Variants in KIRREL3 observed in about 807,000 individuals in gnomAD.
The protein encoded by KIRREL3 is kirre like nephrin family adhesion molecule 3.
A neutral mutation model predicts 89.7 loss-of-function variants in KIRREL3; 36 were observed. The ratio of observed to expected loss-of-function variants is 0.40; its 90% CI spans 0.31 to 0.53. The LOEUF (loss-of-function observed/expected upper bound fraction) is 0.53. Ranked by LOEUF, KIRREL3 falls within the 20% of genes least tolerant of loss-of-function variation. KIRREL3 has a pLI of 0.49. For missense variants in KIRREL3, 864 were observed against 1,056.6 expected (o/e 0.82, Z 2.53); for synonymous variants, 445 against 441.4 (o/e 1.01, Z -0.10).
At chr11:126,968,814 G>T (rs1216496236) in intron 1 of KIRREL3, among the ~76,000 whole-genome samples, 2 of 152,110 alleles carry the variant, frequency 1.3e-5, no homozygotes, top group Non-Finnish European at 2.9e-5. Flanking sequence ...CAGTGAGAAA[G>T]GGGCAGGGGC....
At chr11:126,786,627 TTTC>T (rs1950495798) in intron 1 of KIRREL3, among the ~76,000 whole-genome samples, 1 of 152,212 alleles carries the variant, frequency 6.6e-6, no homozygotes, top group Non-Finnish European at 1.5e-5. Flanking sequence ...TGGGAAACTT[TTTC>T]TTATCAAAAT....
In KIRREL3 at chr11:126,892,237, G is replaced by T. The variant is rs1424290241; in HGVS notation, c.55+108218C>A. 6.6e-6 allele frequency among the ~76,000 whole-genome samples: 1 copy of T among 152,128 alleles called. No homozygotes were observed. Among genetic ancestry groups the T allele is most frequent in the African/African-American group, 2.4e-5 (1 of 41,434 alleles). ...AAGAGGGGCTGCCATGCCTGAGGGT[G>T]GTCCCTGCCTGCTCTGTTTTCTTCA... On this transcript the variant is annotated intron_variant, in intron 1 of 16. Coordinates refer to ENST00000525144, the MANE Select transcript of KIRREL3 (RefSeq NM_032531.4). The surrounding 1 kb of genome is among the most constrained non-coding windows in gnomAD (Gnocchi z 5.4).
chr11:126,451,583 C>CGT (rs1358776317), intron 7 of KIRREL3, among the ~76,000 whole-genome samples: 1 of 84,008 alleles, frequency 1.2e-5, no homozygotes, highest in East Asian at 4.2e-4. Context: ...TGTGTGTGTG[C>CGT]GTGTGTGTAC....
chr11:126,693,633 C>CACACA lies in KIRREL3; in HGVS notation c.56-130722_56-130721insTGTGT, dbSNP rs1231272271. On this transcript the variant is annotated intron_variant, in intron 1 of 16. Coordinates refer to ENST00000525144, the MANE Select transcript of KIRREL3 (RefSeq NM_032531.4). ...CACACACACACACACACACACACACCCATAGTCAGAGGAAGCCTCAAATCA... is the reference window on the plus strand; with the variant it reads ...CACACACACACACACACACACACACCACACACATAGTCAGAGGAAGCCTCAAATCA... Among the ~76,000 whole-genome samples the CACACA allele has an allele frequency of 3.8e-3, 393 of 104,798 alleles. 9 individuals are homozygous for CACACA. In the East Asian group the frequency reaches 0.04, roughly 11 times the overall value. 68.8% of individuals were successfully genotyped at this position (104,798 alleles called of 152,430 possible).
Position 126,808,334 on chromosome 11 carries a change from G to A in KIRREL3, c.55+192121C>T, listed in dbSNP as rs997871481. On this transcript the variant is annotated intron_variant, in intron 1 of 16. Transcript: ENST00000525144. This position sits in a 1 kb window ranked among gnomAD's most constrained non-coding sequence, Gnocchi z 4.1. Reference sequence around the variant, plus strand: ...CTGTTTTTGGCAAGCTACAATGGGGGTGCAGCTTTCAAGGAGTCATTTCAG... The same window carrying A: ...CTGTTTTTGGCAAGCTACAATGGGGATGCAGCTTTCAAGGAGTCATTTCAG... Among the ~76,000 whole-genome samples the A allele has an allele frequency of 2.6e-5, 4 of 152,150 alleles. No homozygotes were observed. Among genetic ancestry groups the A allele is most frequent in the Admixed American group, 2.0e-4 (3 of 15,276 alleles).
chr11:126,848,477 A>G (rs998192599), intron 1 of KIRREL3, among the ~76,000 whole-genome samples: 1 of 152,140 alleles, frequency 6.6e-6, no homozygotes, highest in African/African-American at 2.4e-5. Flanking sequence ...CTGTAAACCA[A>G]CCAGTAATCT....
rs1947918934 is a variant in KIRREL3, at chr11:126,715,460, A to T, written c.56-152548T>A. On this transcript the variant is annotated intron_variant, in intron 1 of 16. Coordinates refer to ENST00000525144, the MANE Select transcript of KIRREL3 (RefSeq NM_032531.4). This position sits in a 1 kb window ranked among gnomAD's most constrained non-coding sequence, Gnocchi z 4.4. Reference sequence around the variant, plus strand: ...TGGGGATTGTTGACAGCTCAAGACCACATGGGCTCATCACTGTGATCTTAA... The same window carrying T: ...TGGGGATTGTTGACAGCTCAAGACCTCATGGGCTCATCACTGTGATCTTAA... Among the ~76,000 whole-genome samples, 1 of 152,208 alleles carries T rather than the reference A, an allele frequency of 6.6e-6. No homozygotes were observed. Among genetic ancestry groups the T allele is most frequent in the Non-Finnish European group, 1.5e-5 (1 of 68,036 alleles).
rs1319261387 is a variant in KIRREL3, at chr11:126,896,828, C to T, written c.55+103627G>A. On this transcript the variant is annotated intron_variant, in intron 1 of 16. Transcript: ENST00000525144. The surrounding 1 kb of genome is among the most constrained non-coding windows in gnomAD (Gnocchi z 4.1). ...CAGATCTTACCCAAGCGCGTGTTCTCCTCTTTCATAGCTTCCATTCTTACC... is the reference window on the plus strand; with the variant it reads ...CAGATCTTACCCAAGCGCGTGTTCTTCTCTTTCATAGCTTCCATTCTTACC... 6.6e-6 allele frequency among the ~76,000 whole-genome samples: 1 copy of T among 152,140 alleles called. No individual in the cohort carries two copies. Among genetic ancestry groups the T allele is most frequent in the Non-Finnish European group, 1.5e-5 (1 of 68,038 alleles).
At chr11:126,756,943 G>T (rs1401867958) in intron 1 of KIRREL3, among the ~76,000 whole-genome samples, 1 of 152,190 alleles carries the variant, frequency 6.6e-6, no homozygotes, top group Non-Finnish European at 1.5e-5. Flanking sequence ...TTCTTTGAGT[G>T]CCTGGCCAGA....
At chr11:126,618,838 C>T (rs1943463423) in intron 1 of KIRREL3, among the ~76,000 whole-genome samples, 1 of 152,244 alleles carries the variant, frequency 6.6e-6, no homozygotes, top group Admixed American at 6.5e-5. Flanking sequence ...TGACTTGAAT[C>T]ACCCTCCTCT....
At position 126,525,484 on chromosome 11, in the gene KIRREL3, A is replaced by G. The variant is rs1958721550; in HGVS notation, c.283+1054T>C. ...TCAAACCTCGTGCCTGCTATTGACC[A>G]TTGCTATAATGTTTCAATATACATT... On this transcript the variant is annotated intron_variant, in intron 3 of 16. Coordinates refer to ENST00000525144, the MANE Select transcript of KIRREL3 (RefSeq NM_032531.4). This position sits in a 1 kb window ranked among gnomAD's most constrained non-coding sequence, Gnocchi z 5.4. Among the ~76,000 whole-genome samples, 1 of 152,186 alleles carries G rather than the reference A, an allele frequency of 6.6e-6. No individual in the cohort carries two copies. Among genetic ancestry groups the G allele is most frequent in the African/African-American group, 2.4e-5 (1 of 41,430 alleles).
At chr11:126,660,566 G>A (rs1334741733) in intron 1 of KIRREL3, among the ~76,000 whole-genome samples, 6 of 152,132 alleles carry the variant, frequency 3.9e-5, no homozygotes, top group African/African-American at 1.4e-4. Context: ...CCCATTGCCT[G>A]TATAATACAG....
rs931372530 is a variant in KIRREL3, at chr11:126,653,374, G to A, written c.56-90462C>T. ...GAAGCCAAGCCCCTGTGCTGCCTCA[G>A]TTTGTAAGTAGGCATTTGACCTTGT... On this transcript the variant is annotated intron_variant, in intron 1 of 16. Transcript: ENST00000525144. This position sits in a 1 kb window ranked among gnomAD's most constrained non-coding sequence, Gnocchi z 5.4. 1.1e-5 allele frequency among the ~76,000 whole-genome samples: 1 copy of A among 92,462 alleles called. No homozygotes were observed. The highest frequency in any genetic ancestry group is 3.0e-5 in the Non-Finnish European group (1 of 33,100). The allele number at this position is 92,462 out of a possible 152,430, so 60.7% of individuals were successfully genotyped here.
chr11:126,966,194 T>C (rs184811046), intron 1 of KIRREL3, among the ~76,000 whole-genome samples: 1 of 152,330 alleles, frequency 6.6e-6, no homozygotes, highest in East Asian at 1.9e-4. Context: ...TATGATCTGA[T>C]ACTGTTACAA....
chr11:126,423,538 G>A lies in KIRREL3; in HGVS notation c.*1042C>T, dbSNP rs1954804641. 1 of 152,180 alleles carries A rather than the reference G, an allele frequency of 6.6e-6. No homozygotes were observed. Among genetic ancestry groups the A allele is most frequent in the Admixed American group, 6.5e-5 (1 of 15,284 alleles). 9.4% of individuals were successfully genotyped at this position (152,180 alleles called of 1,614,324 possible). ...CATTTATTTCAGGTGGTGACTAGGAGGGTTGAGGTGTAGATATACTTCCTC... is the reference window on the plus strand; with the variant it reads ...CATTTATTTCAGGTGGTGACTAGGAAGGTTGAGGTGTAGATATACTTCCTC... On this transcript the variant is annotated 3_prime_UTR_variant, in exon 17 of 17. Coordinates refer to ENST00000525144, the MANE Select transcript of KIRREL3 (RefSeq NM_032531.4).
rs59711758 is a variant in KIRREL3, at chr11:126,755,843, GA to G, written c.56-192932del. Among the ~76,000 whole-genome samples the G allele has an allele frequency of 1.4e-5, 2 of 141,964 alleles. No individual in the cohort carries two copies. Among genetic ancestry groups the G allele is most frequent in the African/African-American group, 2.8e-5 (1 of 36,050 alleles). 93.1% of individuals were successfully genotyped at this position (141,964 alleles called of 152,430 possible). Reference sequence around the variant, plus strand: ...TCAGGCAGAGAGAGAGAGAGAGAGAGAGAGAGAGAGAGGGAGAGAGGGAGAG... The same window carrying G: ...TCAGGCAGAGAGAGAGAGAGAGAGAGGAGAGAGAGAGGGAGAGAGGGAGAG... On this transcript the variant is annotated intron_variant, in intron 1 of 16. Coordinates refer to ENST00000525144, the MANE Select transcript of KIRREL3 (RefSeq NM_032531.4). The surrounding 1 kb of genome is among the most constrained non-coding windows in gnomAD (Gnocchi z 4.3).
At position 126,525,037 on chromosome 11, in the gene KIRREL3, G is replaced by T. The variant is rs1192087775; in HGVS notation, c.283+1501C>A. Among the ~76,000 whole-genome samples the T allele has an allele frequency of 6.6e-6, 1 of 152,214 alleles. No individual in the cohort carries two copies. Among genetic ancestry groups the T allele is most frequent in the African/African-American group, 2.4e-5 (1 of 41,456 alleles). On this transcript the variant is annotated intron_variant, in intron 3 of 16. Coordinates refer to ENST00000525144, the MANE Select transcript of KIRREL3 (RefSeq NM_032531.4). This position sits in a 1 kb window ranked among gnomAD's most constrained non-coding sequence, Gnocchi z 5.4. ...AGGCCCCAGTTTGTCAGAGGCCATT[G>T]TTCTGCAGCCCTAAGCAGGTACCAG...
At chr11:126,556,444 C>T (rs903239000) in intron 2 of KIRREL3, among the ~76,000 whole-genome samples, 1 of 151,992 alleles carries the variant, frequency 6.6e-6, no homozygotes, top group South Asian at 2.1e-4. Flanking sequence ...GGTTTGAGAC[C>T]AGTCTGGGCA....
chr11:126,450,381 G>A (rs1402891395), intron 7 of KIRREL3, among the ~76,000 whole-genome samples: 1 of 149,846 alleles, frequency 6.7e-6, no homozygotes, highest in African/African-American at 2.5e-5. Context: ...GAGTGTGCAT[G>A]TGTGAGTGTG....
Sources: gnomAD v4.1 joint callset for allele counts (sites outside exome capture counted in the v4.1 genomes callset) on GRCh38, gnomAD v4.1.1 for gene constraint, Gnocchi (gnomAD v3.1) non-coding constraint, MANE v1.5 for transcripts, NCBI Gene and HGNC (gene_info 2026-07-23, HGNC 2026-07-21) for gene names.